The following PHLDB2 variants were observed in gnomAD, a reference collection of about 807,000 sequenced individuals.
PHLDB2 encodes the protein pleckstrin homology-like domain family B member 2.
In PHLDB2, 71 loss-of-function variants were observed where a neutral mutation model predicts 123.6. The ratio of observed to expected loss-of-function variants is 0.57; its 90% CI spans 0.47 to 0.70. PHLDB2 has a LOEUF of 0.70. PHLDB2 is among the 30% of genes least tolerant of loss of function. The pLI is 0.00. For missense variants in PHLDB2, 1,446 were observed against 1,519.5 expected, an observed-to-expected ratio of 0.95 and a Z score of 0.80; for synonymous variants, 547 against 541.6, an observed-to-expected ratio of 1.01 and a Z score of -0.14.
intron 1 of PHLDB2, among the ~76,000 whole-genome samples, chr3:111,734,519 T>G (rs1941619540): frequency 6.6e-6 from 1 of 152,214 alleles, no homozygotes; most frequent in Non-Finnish European, 1.5e-5. Context: ...TTTTTGTAGC[T>G]TCTGGCTCAG....
At chr3:111,962,943 A>G (rs1438454610) in intron 13 of PHLDB2, among the ~76,000 whole-genome samples, 1 of 151,532 alleles carries the variant, frequency 6.6e-6, no homozygotes, top group Non-Finnish European at 1.5e-5. Flanking sequence ...AAAAAAAAAA[A>G]AAAAAAGAAA....
intron 5 of PHLDB2, among the ~76,000 whole-genome samples, chr3:111,930,384 T>C (rs2069068610): frequency 7.4e-6 from 1 of 135,314 alleles, no homozygotes; most frequent in Non-Finnish European, 1.6e-5. Flanking sequence ...GCTTTATACA[T>C]GTGCTATTAA....
intron 1 of PHLDB2, among the ~76,000 whole-genome samples, chr3:111,870,555 G>A (rs2065287161): frequency 6.6e-6 from 1 of 152,110 alleles, no homozygotes; most frequent in South Asian, 2.1e-4. Flanking sequence ...TTGATGTTGG[G>A]ATTAGTGGAA....
chr3:111,946,014 G>A (rs2070281456), intron 9 of PHLDB2, among the ~76,000 whole-genome samples: 1 of 151,760 alleles, frequency 6.6e-6, no homozygotes. Flanking sequence ...AATTATAACT[G>A]AGAAAAAAAA....
chr3:111,972,720 C>T (rs1310324754), intron 16 of PHLDB2, among the ~76,000 whole-genome samples: 4 of 152,096 alleles, frequency 2.6e-5, no homozygotes, highest in Admixed American at 2.6e-4. Context: ...TCCATCATTT[C>T]AGTAACTTTG....
intron 9 of PHLDB2, among the ~76,000 whole-genome samples, chr3:111,946,367 GA>G (rs2070310388): frequency 6.6e-6 from 1 of 152,142 alleles, no homozygotes; most frequent in Non-Finnish European, 1.5e-5. Flanking sequence ...AAAGCTAAAA[GA>G]AAAGCTTGCT....
intron 2 of PHLDB2, among the ~76,000 whole-genome samples, chr3:111,851,703 C>T (rs1378177648): frequency 1.3e-5 from 2 of 152,026 alleles, no homozygotes; most frequent in African/African-American, 2.4e-5. Flanking sequence ...CCTGTTGTCC[C>T]GCAGCAAGAA....
At position 111,967,691 on chromosome 3, in the gene PHLDB2, A is replaced by G; in HGVS notation, c.3182A>G (p.Glu1061Gly). 1 of 1,608,634 alleles carries G rather than the reference A, an allele frequency of 6.2e-7. No individual in the cohort carries two copies. Among genetic ancestry groups the G allele is most frequent in the African/African-American group, 1.3e-5 (1 of 74,236 alleles). The change falls in exon 15 of 18, where the codon GAA becomes GGA. Residue 1061 changes from glutamate (E) to glycine (G), a missense_variant. Glu to Gly is a moderately conservative substitution (Grantham distance 98). Transcript: ENST00000431670. ...CATAATGTTTAGGAACGGGAAATGG[A>G]AGCCAAAAAACGAGCCCTGGAAGAA... ...RLLESREREM[E>G]AKKRALEEEK...
chr3:111,906,932 A>G (rs1273338425), intron 2 of PHLDB2, among the ~76,000 whole-genome samples: 4 of 152,232 alleles, frequency 2.6e-5, no homozygotes, highest in Admixed American at 2.6e-4. Context: ...CCTGACCACA[A>G]GCCTGAAGGC....
At chr3:111,954,706 T>A (rs1360856142) in intron 12 of PHLDB2, among the ~76,000 whole-genome samples, 1 of 152,236 alleles carries the variant, frequency 6.6e-6, no homozygotes, top group Non-Finnish European at 1.5e-5. Flanking sequence ...CAAGTTACAT[T>A]GCCCTAACTT....
rs748194350 is a variant in PHLDB2 at position 111,962,235 on chromosome 3, C to T, written c.3000C>T (p.Ala1000=). 2 of 1,580,064 alleles carry T rather than the reference C, an allele frequency of 1.3e-6. No homozygotes were observed. The highest frequency in any genetic ancestry group is 1.7e-6 in the Non-Finnish European group (2 of 1,170,868). The change falls in exon 13 of 18, where the codon GCC becomes GCT. Residue 1000 remains alanine, a synonymous_variant. Coordinates refer to ENST00000431670, the MANE Select transcript of PHLDB2 (RefSeq NM_001134438.2). ...CAGATCACAGCTACAAGGACCAGGC[C>T]TTTGATACTCTGAGCCTCGATAGCT... The part of the protein sequence containing the change: ...HYPDHSYKDQ[A]FDTLSLDSSD...
At position 111,884,980 on chromosome 3, in the gene PHLDB2, C is replaced by T. The variant is rs746475093; in HGVS notation, c.903C>T (p.Tyr301=). ...LPHSVIDNDN[Y]LNFSSLSSGA... is the part of the protein sequence containing the mutation. ...ATAGCGTAATAGACAATGACAATTA[C>T]CTTAATTTTTCTTCTTTGAGCTCAG... The change falls in exon 2 of 18, where the codon TAC becomes TAT. Residue 301 remains tyrosine, a synonymous_variant. Coordinates refer to ENST00000431670, the MANE Select transcript of PHLDB2 (RefSeq NM_001134438.2). 1 of 1,614,084 alleles carries T rather than the reference C, an allele frequency of 6.2e-7. No homozygotes were observed. The highest frequency in any genetic ancestry group is 1.1e-5 in the South Asian group (1 of 91,072).
chr3:111,845,899 C>T (rs370186491), exon 2 of PHLDB2: 1 of 1,613,958 alleles, frequency 6.2e-7, no homozygotes, highest in African/African-American at 1.3e-5. Flanking sequence ...GAGAGAGGTG[C>T]CCAAGGAAGA....
rs1432934284 is a variant in PHLDB2 at position 111,831,043 on chromosome 3, A to G, written c.-48-14778A>G. On this transcript the variant is annotated intron_variant, in intron 1 of 17. Transcript: ENST00000393923. Reference sequence around the variant, plus strand: ...AAAGAAAGAAAGAAAGGAAGGAAGGAAGAAAGAGAAAAGAGAGAGATAGAG... The same window carrying G: ...AAAGAAAGAAAGAAAGGAAGGAAGGGAGAAAGAGAAAAGAGAGAGATAGAG... Among the ~76,000 whole-genome samples the G allele has an allele frequency of 1.4e-5, 2 of 138,848 alleles. 1 individual carries two copies. Among genetic ancestry groups the G allele is most frequent in the Non-Finnish European group, 3.1e-5 (2 of 64,018 alleles). The allele number at this position is 138,848 out of a possible 152,430, so 91.1% of individuals were successfully genotyped here. A position where few individuals can be genotyped will look rare whatever the true frequency, so the allele number is the denominator to read the frequency against.
chr3:111,962,825 A>T (rs1292104175), intron 13 of PHLDB2, among the ~76,000 whole-genome samples: 1 of 151,386 alleles, frequency 6.6e-6, no homozygotes, highest in Non-Finnish European at 1.5e-5. Context: ...GCTACTCAGG[A>T]GGCTGAGGCA....
intron 1 of PHLDB2, among the ~76,000 whole-genome samples, chr3:111,838,694 G>C (rs56092121): frequency 0.1 from 15,444 of 152,104 alleles, 1,023 homozygotes; most frequent in South Asian, 0.17. Flanking sequence ...AGTCAGATTA[G>C]AATATTTTTT....
chr3:111,790,809 A>G (rs1036547003), intron 1 of PHLDB2, among the ~76,000 whole-genome samples: 3 of 152,228 alleles, frequency 2.0e-5, no homozygotes, highest in African/African-American at 7.2e-5. Context: ...ATTATTGTAG[A>G]CAAATATAGT....
intron 7 of PHLDB2, 30 bp from the exon 8 acceptor site, chr3:111,940,505 A>G (rs1295664111): frequency 2.9e-6 from 4 of 1,371,334 alleles, no homozygotes; most frequent in Non-Finnish European, 4.1e-6. Context: ...TCTAATGTAC[A>G]TCTTCCTATG....
rs372733370 is a variant in PHLDB2 at position 111,939,635 on chromosome 3, T to C, written c.2286+5T>C. ...CGGAACATCGTTTCTAGAAAGGTACTTTTTCCAGGTGTCATTCAATGTGAA... is the reference window on the plus strand; with the variant it reads ...CGGAACATCGTTTCTAGAAAGGTACCTTTTCCAGGTGTCATTCAATGTGAA... On this transcript the variant is annotated splice_donor_5th_base_variant and intron_variant, in intron 7 of 17. Coordinates refer to ENST00000431670, the MANE Select transcript of PHLDB2 (RefSeq NM_001134438.2). 24 of 1,606,338 alleles carry C rather than the reference T, an allele frequency of 1.5e-5. No individual in the cohort carries two copies. In the African/African-American group the frequency reaches 2.8e-4, roughly 19 times the overall value.
Sources: gnomAD v4.1 joint callset for allele counts (sites outside exome capture counted in the v4.1 genomes callset) on GRCh38, gnomAD v4.1.1 for gene constraint, MANE v1.5 for transcripts, NCBI Gene and HGNC (gene_info 2026-07-23, HGNC 2026-07-21) for gene names.